The following MAGI2 variants were observed in gnomAD, a reference collection of about 807,000 sequenced individuals.
MAGI2 encodes membrane associated guanylate kinase, WW and PDZ domain containing 2, also known as membrane-associated guanylate kinase, WW and PDZ domain-containing protein 2.
A neutral mutation model predicts 133.3 loss-of-function variants in MAGI2; 35 were observed. The observed-to-expected ratio is 0.26, with a 90% CI of 0.20 to 0.35. MAGI2 has a LOEUF of 0.35. MAGI2 is among the 10% of genes least tolerant of loss of function. The pLI is 1.00. For synonymous variants in MAGI2, 729 were observed against 710.6 expected (o/e 1.03, Z -0.41); for missense variants, 1,636 against 1,863.4 (o/e 0.88, Z 2.25).
At chr7:78,247,977 G>C (rs980977309) in intron 10 of MAGI2, among the ~76,000 whole-genome samples, 5 of 152,140 alleles carry the variant, frequency 3.3e-5, no homozygotes, top group African/African-American at 1.2e-4. Flanking sequence ...AAGCTTACAG[G>C]TTCCCAAACA....
intron 1 of MAGI2, among the ~76,000 whole-genome samples, chr7:79,036,479 A>G (rs1344212313): frequency 5.9e-5 from 9 of 152,178 alleles, no homozygotes; most frequent in Non-Finnish European, 1.3e-4. Flanking sequence ...ATGTCAGGAT[A>G]CTAGTCAAGG....
chr7:78,652,275 C>G (rs1811660266), intron 2 of MAGI2, among the ~76,000 whole-genome samples: 1 of 152,150 alleles, frequency 6.6e-6, no homozygotes, highest in Admixed American at 6.6e-5. Context: ...TACAAATAAG[C>G]AGACTTTTGC....
chr7:78,444,389 T>C (rs1376752751), intron 6 of MAGI2, among the ~76,000 whole-genome samples: 1 of 152,070 alleles, frequency 6.6e-6, no homozygotes, highest in Non-Finnish European at 1.5e-5. Flanking sequence ...AATTCATTAA[T>C]GGGCTTTAGG....
intron 1 of MAGI2, among the ~76,000 whole-genome samples, chr7:79,439,488 C>T (rs1196990796): frequency 6.6e-6 from 1 of 152,042 alleles, no homozygotes. Flanking sequence ...CTTCCTGTCC[C>T]TCCTATGTGC....
chr7:78,786,631 G>T (rs1339047339), intron 2 of MAGI2, among the ~76,000 whole-genome samples: 1 of 152,140 alleles, frequency 6.6e-6, no homozygotes, highest in Non-Finnish European at 1.5e-5. Flanking sequence ...GCCTAGAACG[G>T]TCTTCTCTTA....
intron 1 of MAGI2, among the ~76,000 whole-genome samples, chr7:79,207,698 TC>T (rs1253889092): frequency 2.0e-5 from 3 of 151,880 alleles, no homozygotes; most frequent in African/African-American, 7.3e-5. Flanking sequence ...ATCCTAAAAT[TC>T]ATATGGAAAA....
At chr7:79,264,314 G>A (rs760651447) in intron 1 of MAGI2, among the ~76,000 whole-genome samples, 2 of 152,168 alleles carry the variant, frequency 1.3e-5, no homozygotes, top group Admixed American at 1.3e-4. Context: ...TGCTATCTGA[G>A]ATTGTCAGTT....
intron 7 of MAGI2, among the ~76,000 whole-genome samples, chr7:78,364,428 A>C (rs1793166341): frequency 6.6e-6 from 1 of 152,102 alleles, no homozygotes; most frequent in Non-Finnish European, 1.5e-5. Context: ...AATGAATGCA[A>C]TTTTCCATTT....
intron 1 of MAGI2, among the ~76,000 whole-genome samples, chr7:79,314,155 G>C (rs1288607169): frequency 6.6e-6 from 1 of 152,128 alleles, no homozygotes; most frequent in South Asian, 2.1e-4. Context: ...TATATTTTTA[G>C]TAGAGACGGG....
intron 10 of MAGI2, among the ~76,000 whole-genome samples, chr7:78,216,004 A>T (rs1191028940): frequency 6.6e-6 from 1 of 152,186 alleles, no homozygotes; most frequent in Non-Finnish European, 1.5e-5. Context: ...CTGATACATA[A>T]AAAATGAAAT....
At chr7:78,441,799 G>T (rs751579201) in intron 6 of MAGI2, among the ~76,000 whole-genome samples, 12 of 152,146 alleles carry the variant, frequency 7.9e-5, no homozygotes, top group Non-Finnish European at 1.5e-4. Flanking sequence ...CCCACTACAG[G>T]AATGAAATAA....
intron 2 of MAGI2, among the ~76,000 whole-genome samples, chr7:78,660,109 C>A (rs1812774574): frequency 8.2e-6 from 1 of 122,456 alleles, no homozygotes; most frequent in Non-Finnish European, 1.6e-5. Flanking sequence ...ACATCACACA[C>A]TGGGTCCTGT....
intron 1 of MAGI2, among the ~76,000 whole-genome samples, chr7:79,381,848 T>G (rs1843806613): frequency 6.6e-6 from 1 of 151,846 alleles, no homozygotes. Context: ...ATCATTGTAT[T>G]ATAAACATGT....
chr7:79,181,442 C>A (rs1486894519), intron 1 of MAGI2, among the ~76,000 whole-genome samples: 1 of 151,924 alleles, frequency 6.6e-6, no homozygotes, highest in Non-Finnish European at 1.5e-5. Context: ...CTATCTTGAC[C>A]CCTGTTAGTC....
chr7:78,077,144 T>A (rs1311787242), intron 21 of MAGI2, among the ~76,000 whole-genome samples: 1 of 152,050 alleles, frequency 6.6e-6, no homozygotes, highest in Admixed American at 6.5e-5. Context: ...ATTAACTTTT[T>A]AAAGATAAAC....
chr7:78,660,206 G>A (rs542369324), intron 2 of MAGI2, among the ~76,000 whole-genome samples: 1 of 151,940 alleles, frequency 6.6e-6, no homozygotes, highest in Non-Finnish European at 1.5e-5. Flanking sequence ...CACCAACATA[G>A]CACATGTATA....
At chr7:78,764,238 T>C (rs997369777) in intron 2 of MAGI2, among the ~76,000 whole-genome samples, 1 of 152,036 alleles carries the variant, frequency 6.6e-6, no homozygotes, top group African/African-American at 2.4e-5. Context: ...TCAATAAACC[T>C]CAATTAAAGT....
intron 6 of MAGI2, among the ~76,000 whole-genome samples, chr7:78,439,379 TAACTGTGTAA>T (rs1029447159): frequency 2.6e-3 from 158 of 61,926 alleles, no homozygotes; most frequent in African/African-American, 4.6e-3. Context: ...TTACAGTGCC[TAACTGTGTAA>T]ATAGTAATTT....
chr7:78,783,120 G>A (rs987355268), intron 2 of MAGI2, among the ~76,000 whole-genome samples: 3 of 145,000 alleles, frequency 2.1e-5, no homozygotes, highest in Non-Finnish European at 4.5e-5. Flanking sequence ...CCCACAGCAC[G>A]TAGCAGAGTG....
Sources: gnomAD v4.1 joint callset for allele counts (sites outside exome capture counted in the v4.1 genomes callset) on GRCh38, gnomAD v4.1.1 for gene constraint, MANE v1.5 for transcripts, NCBI Gene and HGNC (gene_info 2026-07-23, HGNC 2026-07-21) for gene names.